Variants in LINGO2 observed in about 807,000 individuals in gnomAD.
LINGO2 encodes the protein leucine-rich repeat and immunoglobulin-like domain-containing nogo receptor-interacting protein 2.
LINGO2 carries 14 observed loss-of-function variants against 30.6 expected under a neutral mutation model. The ratio of observed to expected loss-of-function variants is 0.46; its 90% CI spans 0.30 to 0.72. LINGO2 has a LOEUF of 0.72. Among genes scored for constraint, LINGO2 ranks in the 30% least tolerant of loss-of-function variants. LINGO2 has a pLI of 0.07. For missense variants in LINGO2, 729 were observed against 751.7 expected, an observed-to-expected ratio of 0.97 and a Z score of 0.35; for synonymous variants, 317 against 288.5, an observed-to-expected ratio of 1.10 and a Z score of -1.00.
At chr9:28,680,377 G>T in the LINGO2 span, among the ~76,000 whole-genome samples, 1 of 152,132 alleles carries the variant, frequency 6.6e-6, no homozygotes, top group South Asian at 2.1e-4. Context: ...AAACAATTAA[G>T]TTGATTCCAT....
intron 4 of LINGO2, among the ~76,000 whole-genome samples, chr9:28,179,488 A>G (rs1022814331): frequency 1.5e-5 from 2 of 136,606 alleles, no homozygotes; most frequent in African/African-American, 5.4e-5. Flanking sequence ...AGTTTATAGT[A>G]TATATACTAT....
chr9:28,063,156 T>C (rs1825208279), intron 4 of LINGO2, among the ~76,000 whole-genome samples: 1 of 152,108 alleles, frequency 6.6e-6, no homozygotes, highest in Non-Finnish European at 1.5e-5. Flanking sequence ...TTGCAGAACA[T>C]AGCTGGGAAC....
At chr9:27,987,659 C>G (rs1821189739) in intron 5 of LINGO2, among the ~76,000 whole-genome samples, 1 of 151,868 alleles carries the variant, frequency 6.6e-6, no homozygotes, top group African/African-American at 2.4e-5. Flanking sequence ...GTGGGGTTGT[C>G]TATGTAGGTA....
At chr9:29,058,417 C>T in the LINGO2 span, among the ~76,000 whole-genome samples, 1 of 151,848 alleles carries the variant, frequency 6.6e-6, no homozygotes, top group Non-Finnish European at 1.5e-5. Context: ...GGAGGAAAAA[C>T]ACCTGGAAGT....
chr9:28,322,438 TACACACACACACAC>T (rs61397051), intron 3 of LINGO2, among the ~76,000 whole-genome samples: 52,988 of 150,422 alleles, frequency 0.35, 9,715 homozygotes, highest in Non-Finnish European at 0.41. Context: ...AGGCACTCAG[TACACACACACACAC>T]ACACACACAC....
At chr9:28,480,559 A>T (rs1825920362) in intron 1 of LINGO2, among the ~76,000 whole-genome samples, 2 of 152,182 alleles carry the variant, frequency 1.3e-5, no homozygotes, top group Admixed American at 1.3e-4. Context: ...AAGGGAAAAC[A>T]AGGTTAAAAA....
At chr9:28,247,159 T>C (rs1822032637) in intron 4 of LINGO2, among the ~76,000 whole-genome samples, 1 of 152,188 alleles carries the variant, frequency 6.6e-6, no homozygotes, top group East Asian at 1.9e-4. Flanking sequence ...GTGGGAATGT[T>C]AATTAGTTCA....
chr9:28,054,426 G>A (rs1587778751), intron 4 of LINGO2, among the ~76,000 whole-genome samples: 1 of 152,052 alleles, frequency 6.6e-6, no homozygotes, highest in Non-Finnish European at 1.5e-5. Flanking sequence ...GACTTGTCTG[G>A]ATCTCCACGT....
At chr9:28,215,306 A>C (rs1043849422) in intron 4 of LINGO2, among the ~76,000 whole-genome samples, 12 of 151,916 alleles carry the variant, frequency 7.9e-5, no homozygotes, top group African/African-American at 2.7e-4. Context: ...ACATAGTAGA[A>C]GGGAAAAGTG....
chr9:29,150,722 C>T, the LINGO2 span, among the ~76,000 whole-genome samples: 569 of 152,112 alleles, frequency 3.7e-3, 3 homozygotes, highest in African/African-American at 0.013. Flanking sequence ...TTTGATTTAA[C>T]GAACAAAACC....
chr9:29,000,161 G>A, the LINGO2 span, among the ~76,000 whole-genome samples: 2 of 151,860 alleles, frequency 1.3e-5, no homozygotes, highest in South Asian at 4.1e-4. Flanking sequence ...AGAGTTTTAG[G>A]AATTGTGGTA....
At chr9:28,530,940 C>T (rs1276837608) in intron 1 of LINGO2, among the ~76,000 whole-genome samples, 1 of 151,308 alleles carries the variant, frequency 6.6e-6, no homozygotes, top group Non-Finnish European at 1.5e-5. Flanking sequence ...TGCCATGATG[C>T]ACCGTCACTA....
At chr9:27,965,236 A>G (rs1820041703) in intron 5 of LINGO2, among the ~76,000 whole-genome samples, 1 of 151,998 alleles carries the variant, frequency 6.6e-6, no homozygotes, top group Admixed American at 6.6e-5. Flanking sequence ...TCAGTAAGGG[A>G]ACAAGTATTT....
At chr9:28,523,706 T>A (rs1222203209) in intron 1 of LINGO2, among the ~76,000 whole-genome samples, 3 of 151,968 alleles carry the variant, frequency 2.0e-5, no homozygotes, top group Non-Finnish European at 4.4e-5. Flanking sequence ...TAAACAGATA[T>A]AAAATTGACA....
the LINGO2 span, among the ~76,000 whole-genome samples, chr9:29,119,284 C>A: frequency 6.6e-6 from 1 of 151,998 alleles, no homozygotes; most frequent in African/African-American, 2.4e-5. Flanking sequence ...TATTTGCAAA[C>A]CATATATGTG....
chr9:28,501,762 A>G (rs1420112689), intron 1 of LINGO2, among the ~76,000 whole-genome samples: 1 of 152,074 alleles, frequency 6.6e-6, no homozygotes, highest in Non-Finnish European at 1.5e-5. Flanking sequence ...AGAAATTTAT[A>G]CCTAATATCC....
intron 4 of LINGO2, among the ~76,000 whole-genome samples, chr9:28,021,404 C>A (rs922209216): frequency 1.1e-4 from 17 of 152,164 alleles, no homozygotes. Context: ...TGTCTTATGG[C>A]CCACAGTGTG....
At chr9:28,197,287 C>A (rs1397698555) in intron 4 of LINGO2, among the ~76,000 whole-genome samples, 1 of 151,348 alleles carries the variant, frequency 6.6e-6, no homozygotes. Context: ...CTGGAAAATT[C>A]TAAGGAAAAC....
At chr9:28,709,492 C>G in the LINGO2 span, among the ~76,000 whole-genome samples, 1 of 151,910 alleles carries the variant, frequency 6.6e-6, no homozygotes, top group Non-Finnish European at 1.5e-5. Flanking sequence ...TCTAATATAT[C>G]TAAGGCCGTG....
Sources: allele counts gnomAD v4.1 joint callset (sites outside exome capture counted in the v4.1 genomes callset), GRCh38; gene constraint gnomAD v4.1.1; transcripts MANE v1.5; gene names NCBI Gene and HGNC (gene_info 2026-07-23, HGNC 2026-07-21).